Variants in FAT3 observed in about 807,000 individuals in gnomAD.
FAT3 encodes protocadherin Fat 3.
FAT3 carries 95 observed loss-of-function variants against 310.2 expected under a neutral mutation model. The ratio of observed to expected loss-of-function variants is 0.31; its 90% confidence interval spans 0.26 to 0.36. FAT3 has a LOEUF of 0.36. Ranked by LOEUF, FAT3 falls within the 10% of genes least tolerant of loss-of-function variation. The probability of loss-of-function intolerance (pLI) is 1.00; values close to 1 mark genes in which losing one functional copy is unlikely to be tolerated. For synonymous variants in FAT3, 2,314 were observed against 2,192.9 expected, an observed-to-expected ratio of 1.06 and a Z score of -1.54; for missense variants, 5,408 against 5,715.6, an observed-to-expected ratio of 0.95 and a Z score of 1.74.
At chr11:92,783,821 G>A (rs1946820450) in intron 7 of FAT3, among the ~76,000 whole-genome samples, 1 of 152,122 alleles carries the variant, frequency 6.6e-6, no homozygotes, top group Non-Finnish European at 1.5e-5. Flanking sequence ...TGTATGTATA[G>A]ATCTGGGCTT....
chr11:92,534,284 G>GA (rs1954175477), intron 3 of FAT3, among the ~76,000 whole-genome samples: 1 of 152,140 alleles, frequency 6.6e-6, no homozygotes, highest in Non-Finnish European at 1.5e-5. Context: ...CCTGGGGGGG[G>GA]AGGGGAACAA....
At chr11:92,363,200 A>G (rs1234748523) in intron 2 of FAT3, among the ~76,000 whole-genome samples, 3 of 152,206 alleles carry the variant, frequency 2.0e-5, no homozygotes, top group African/African-American at 4.8e-5. Context: ...ATTTAGTTCA[A>G]TTGAAGAACT....
intron 2 of FAT3, among the ~76,000 whole-genome samples, chr11:92,369,812 A>G (rs1042635429): frequency 6.6e-6 from 1 of 152,104 alleles, no homozygotes; most frequent in African/African-American, 2.4e-5. Context: ...GCGCCACTGC[A>G]CTCCAGCCTG....
intron 2 of FAT3, among the ~76,000 whole-genome samples, chr11:92,476,229 G>T (rs1027061423): frequency 3.3e-5 from 5 of 152,102 alleles, no homozygotes; most frequent in African/African-American, 1.2e-4. Context: ...TTTGGATTTG[G>T]CTAGATCACC....
intron 7 of FAT3, among the ~76,000 whole-genome samples, chr11:92,789,228 A>G (rs190773085): frequency 2.0e-5 from 3 of 152,272 alleles, no homozygotes; most frequent in Admixed American, 2.0e-4. Flanking sequence ...ATAACGTGGG[A>G]ATAGGCAGGG....
intron 2 of FAT3, among the ~76,000 whole-genome samples, chr11:92,444,309 G>T (rs1951157909): frequency 7.0e-6 from 1 of 142,550 alleles, no homozygotes; most frequent in Non-Finnish European, 1.5e-5. Context: ...GCCCCCAGAG[G>T]TTAAGTCACA....
intron 3 of FAT3, among the ~76,000 whole-genome samples, chr11:92,620,348 G>A (rs1941028397): frequency 2.0e-5 from 3 of 152,252 alleles, no homozygotes; most frequent in South Asian, 2.1e-4. Context: ...ATAGTGTTAT[G>A]TATTTTTGTC....
chr11:92,627,270 G>A (rs887372966), intron 3 of FAT3, among the ~76,000 whole-genome samples: 1 of 152,166 alleles, frequency 6.6e-6, no homozygotes, highest in Non-Finnish European at 1.5e-5. Context: ...CTCTCTATGA[G>A]CAAATAAGGT....
Position 92,891,245 on chromosome 11 carries a change from C to A in FAT3, c.*132C>A. ...TGTATTTTTCCACTAGAAACTTCTT[C>A]ACAAGTCATACTGTCCCAACAAGCA... On this transcript the variant is annotated 3_prime_UTR_variant, in exon 28 of 28. Coordinates refer to ENST00000525166, the MANE Select transcript of FAT3 (RefSeq NM_001367949.2). 1.6e-6 allele frequency: 2 copies of A among 1,223,954 alleles called. No individual in the cohort carries two copies. Among genetic ancestry groups the A allele is most frequent in the Non-Finnish European group, 2.2e-6 (2 of 889,048 alleles). 75.8% of individuals were successfully genotyped at this position (1,223,954 alleles called of 1,614,324 possible). A position where few individuals can be genotyped will look rare whatever the true frequency, so the allele number is the denominator to read the frequency against.
intron 4 of FAT3, among the ~76,000 whole-genome samples, chr11:92,716,789 T>C (rs1005412379): frequency 9.2e-5 from 14 of 152,350 alleles, no homozygotes; most frequent in African/African-American, 3.1e-4. Flanking sequence ...AGAGATTCAT[T>C]TGGGAAAAGG....
At chr11:92,700,196 A>G (rs1944057155) in intron 4 of FAT3, among the ~76,000 whole-genome samples, 1 of 152,218 alleles carries the variant, frequency 6.6e-6, no homozygotes, top group African/African-American at 2.4e-5. Context: ...TTGACATGGC[A>G]TTTGATGACA....
intron 4 of FAT3, among the ~76,000 whole-genome samples, chr11:92,715,548 C>T (rs1373394421): frequency 1.3e-5 from 2 of 152,144 alleles, no homozygotes; most frequent in African/African-American, 4.8e-5. Context: ...CATAAACACA[C>T]TCATGTATGT....
chr11:92,662,427 T>C (rs1181556599), intron 3 of FAT3, among the ~76,000 whole-genome samples: 1 of 152,174 alleles, frequency 6.6e-6, no homozygotes, highest in Non-Finnish European at 1.5e-5. Context: ...AGTAACTGTG[T>C]TAAAATGGCT....
intron 3 of FAT3, among the ~76,000 whole-genome samples, chr11:92,567,902 GA>G (rs973560232): frequency 5.9e-5 from 8 of 136,072 alleles, no homozygotes; most frequent in African/African-American, 2.1e-4. Context: ...GGGGTTGGGG[GA>G]GGGGGGAGGG....
Position 92,844,395 on chromosome 11 carries a change from A to C in FAT3, c.11028A>C (p.Ala3676=). The change falls in exon 19 of 28, where the codon GCA becomes GCC. Residue 3676 remains alanine, a synonymous_variant. Transcript: ENST00000525166. ...GGTTCCGGCGCACCCTGCGGAATGCAGTCCTCACCCAGAAGCAGGACAGCC... is the reference window on the plus strand; with the variant it reads ...GGTTCCGGCGCACCCTGCGGAATGCCGTCCTCACCCAGAAGCAGGACAGCC... The part of the protein sequence containing the change: ...MHGFRRTLRN[A]VLTQKQDSLR... 6.2e-7 allele frequency: 1 copy of C among 1,613,950 alleles called. No homozygotes were observed. The highest frequency in any genetic ancestry group is 8.5e-7 in the Non-Finnish European group (1 of 1,179,888).
intron 21 of FAT3, among the ~76,000 whole-genome samples, chr11:92,860,490 G>T (rs1009709677): frequency 6.6e-6 from 1 of 152,202 alleles, no homozygotes; most frequent in African/African-American, 2.4e-5. Context: ...GAAGGAGGGA[G>T]ACGTGTTTCA....
chr11:92,468,571 C>A (rs1951831460), intron 2 of FAT3, among the ~76,000 whole-genome samples: 1 of 152,088 alleles, frequency 6.6e-6, no homozygotes, highest in South Asian at 2.1e-4. Context: ...CATTCTCATG[C>A]TATTAATAAA....
At chr11:92,394,061 G>A (rs1005897819) in intron 2 of FAT3, among the ~76,000 whole-genome samples, 1 of 152,118 alleles carries the variant, frequency 6.6e-6, no homozygotes, top group African/African-American at 2.4e-5. Context: ...ACCCACCACA[G>A]CACTGGACAT....
chr11:92,845,218 A>G (rs1350448316), intron 19 of FAT3, among the ~76,000 whole-genome samples: 1 of 152,262 alleles, frequency 6.6e-6, no homozygotes, highest in African/African-American at 2.4e-5. Flanking sequence ...AGGCCCAGTC[A>G]TCACACAAGG....
Sources: gnomAD v4.1 joint callset for allele counts (sites outside exome capture counted in the v4.1 genomes callset) on GRCh38, gnomAD v4.1.1 for gene constraint, MANE v1.5 for transcripts, NCBI Gene and HGNC (gene_info 2026-07-23, HGNC 2026-07-21) for gene names.